Variants in DIP2A observed in about 807,000 individuals in gnomAD.
The protein encoded by DIP2A is DIP2 acetate--CoA ligase A.
DIP2A carries 85 observed loss-of-function variants against 177.4 expected under a neutral mutation model. That is an observed-to-expected ratio of 0.48 (90% CI 0.40 to 0.57). The LOEUF (loss-of-function observed/expected upper bound fraction) is 0.57, where lower values mean the gene tolerates loss of function less well. DIP2A is among the 20% of genes least tolerant of loss of function. The pLI is 0.00. For synonymous variants in DIP2A, 886 were observed against 881.8 expected (o/e 1.00, Z -0.08); for missense variants, 1,791 against 2,100.2 (o/e 0.85, Z 2.88).
chr21:46,546,977 C>A lies in DIP2A; in HGVS notation c.2457C>A (p.His819Gln), dbSNP rs757076117. ...DGLMVTGVRR[H>Q]NADDVVATAL... The stretch of plus-strand genomic sequence containing the variant: ...TGATGGTCACTGGAGTTCGCAGACA[C>A]AATGCAGATGACGTTGTGGCCACCG... Residue 819 changes from histidine to glutamine, a missense_variant, in exon 21 of 38, where the codon CAC becomes CAA. Coordinates refer to ENST00000417564, the MANE Select transcript of DIP2A (RefSeq NM_015151.4). The A allele has an allele frequency of 6.8e-6, 11 of 1,613,980 alleles. No individual in the cohort carries two copies. In the South Asian group the frequency reaches 1.2e-4, roughly 18 times the overall value.
chr21:46,565,824 A>G lies in DIP2A; in HGVS notation c.4276A>G (p.Ile1426Val), dbSNP rs1270608429. 6.2e-7 allele frequency: 1 copy of G among 1,613,994 alleles called. No homozygotes were observed. The highest frequency in any genetic ancestry group is 8.5e-7 in the Non-Finnish European group (1 of 1,179,890). The change falls in exon 36 of 38, where the codon ATC (isoleucine) becomes GTC (valine). Residue 1426 changes from isoleucine (I) to valine (V), a missense_variant. Transcript: ENST00000417564. ...ARLSFGDTQT[I>V]WARTGYLGFL... is the part of the protein sequence containing the mutation. Reference sequence around the variant, plus strand: ...GCTGAGTTTTGGAGACACACAGACCATCTGGGCAAGGACCGGCTACCTTGG... The same window carrying G: ...GCTGAGTTTTGGAGACACACAGACCGTCTGGGCAAGGACCGGCTACCTTGG...
chr21:46,511,776 G>A (rs1425927029), intron 8 of DIP2A, among the ~76,000 whole-genome samples, 162 bp downstream of exon 8: 4 of 152,098 alleles, frequency 2.6e-5, no homozygotes, highest in Non-Finnish European at 5.9e-5. Flanking sequence ...CCACCGGAGG[G>A]GACCACTCAC....
chr21:46,471,270 A>T (rs969559789), intron 1 of DIP2A, among the ~76,000 whole-genome samples: 3 of 152,176 alleles, frequency 2.0e-5, no homozygotes, highest in Admixed American at 2.0e-4. Flanking sequence ...GTTTCAAGCG[A>T]TCTTCCTGCC....
chr21:46,565,960 C>G (rs1403981434), intron 36 of DIP2A, 73 bp downstream of exon 36: 1 of 1,536,036 alleles, frequency 6.5e-7, no homozygotes, highest in East Asian at 2.3e-5. Flanking sequence ...GCTTAGTCAC[C>G]TGCTAGCACA....
At chr21:46,534,740 T>C (rs2148775107) in intron 13 of DIP2A, 53 bp downstream of exon 13, 1 of 1,466,078 alleles carries the variant, frequency 6.8e-7, no homozygotes, top group Non-Finnish European at 9.3e-7. Flanking sequence ...CACAGATACC[T>C]GACGTACCTA....
At chr21:46,546,470 A>G (rs2060044393) in intron 20 of DIP2A, among the ~76,000 whole-genome samples, 2 of 152,234 alleles carry the variant, frequency 1.3e-5, no homozygotes, top group South Asian at 4.2e-4. Context: ...TCAGTGTCCA[A>G]CCTAAGCACA....
chr21:46,466,121 G>T (rs2054805348), intron 1 of DIP2A, among the ~76,000 whole-genome samples: 1 of 152,078 alleles, frequency 6.6e-6, no homozygotes, highest in Non-Finnish European at 1.5e-5. Flanking sequence ...GATGAGATTG[G>T]TGACAATATA....
intron 1 of DIP2A, among the ~76,000 whole-genome samples, chr21:46,467,068 G>A (rs896965698): frequency 4.0e-5 from 6 of 151,798 alleles, no homozygotes; most frequent in Non-Finnish European, 1.5e-5. Context: ...AAGTCGAGGC[G>A]GGCGGATCAC....
chr21:46,520,725 T>C (rs2058787724), intron 8 of DIP2A, among the ~76,000 whole-genome samples: 1 of 152,382 alleles, frequency 6.6e-6, no homozygotes, highest in African/African-American at 2.4e-5. Context: ...ATTATATTAA[T>C]AACATGTACT....
At chr21:46,527,045 T>C (rs900948408) in intron 8 of DIP2A, among the ~76,000 whole-genome samples, 3 of 150,330 alleles carry the variant, frequency 2.0e-5, no homozygotes, top group African/African-American at 7.6e-5. Context: ...ATTTCAAAAA[T>C]CATTTAAAAT....
At chr21:46,580,091 T>G in the DIP2A span, among the ~76,000 whole-genome samples, 1 of 152,214 alleles carries the variant, frequency 6.6e-6, no homozygotes, top group Non-Finnish European at 1.5e-5. Flanking sequence ...TCTAAGTCTC[T>G]TTGTAGGTCT....
chr21:46,559,445 C>A (rs141699922), intron 32 of DIP2A, among the ~76,000 whole-genome samples: 1 of 152,174 alleles, frequency 6.6e-6, no homozygotes, highest in Non-Finnish European at 1.5e-5. Context: ...CAGGGCAGGG[C>A]GGGGGCTCTG....
At position 46,495,248 on chromosome 21, in the gene DIP2A, C is replaced by CTTCTT. The variant is rs1470078371; in HGVS notation, c.284-1739_284-1738insTCTTT. ...TCTTCTCTTCTCTTCTCTTCTTTCT[C>CTTCTT]TCTCTCTCTCTCTCTCTCTCTCTCT... On this transcript the variant is annotated intron_variant, in intron 3 of 37. Coordinates refer to ENST00000417564, the MANE Select transcript of DIP2A (RefSeq NM_015151.4). Among the ~76,000 whole-genome samples the CTTCTT allele has an allele frequency of 6.2e-3, 477 of 77,056 alleles. 1 individual carries two copies. Among genetic ancestry groups the CTTCTT allele is most frequent in the Non-Finnish European group, 7.8e-3 (337 of 43,050 alleles). The allele number at this position is 77,056 out of a possible 152,430, so 50.6% of individuals were successfully genotyped here. A position where few individuals can be genotyped will look rare whatever the true frequency, so the allele number is the denominator to read the frequency against.
intron 12 of DIP2A, 86 bp downstream of exon 12, chr21:46,534,199 C>A: frequency 1.2e-5 from 13 of 1,130,268 alleles, no homozygotes; most frequent in East Asian, 5.1e-5. Flanking sequence ...AGTTGCTATT[C>A]TTTTTTGTTA....
intron 1 of DIP2A, among the ~76,000 whole-genome samples, chr21:46,479,059 T>C (rs2056145204): frequency 6.6e-6 from 1 of 152,174 alleles, no homozygotes; most frequent in African/African-American, 2.4e-5. Context: ...TCCTTATGAG[T>C]GCTGCTCTAT....
chr21:46,462,105 G>A (rs369323231), intron 1 of DIP2A, among the ~76,000 whole-genome samples: 25 of 152,304 alleles, frequency 1.6e-4, no homozygotes, highest in East Asian at 1.3e-3. Context: ...GGCAGCCAAG[G>A]AGGTGGAAGC....
rs1414361169 is a variant in DIP2A, at chr21:46,523,106, G to A, written c.1103-5986G>A. On this transcript the variant is annotated intron_variant, in intron 8 of 37. Coordinates refer to ENST00000417564, the MANE Select transcript of DIP2A (RefSeq NM_015151.4). ...ATGCCCAGCTAATTTTGTATTTTTA[G>A]TAGAGATGGGGTTTCTCCATGTTGA... 4.6e-5 allele frequency among the ~76,000 whole-genome samples: 7 copies of A among 151,548 alleles called. No individual in the cohort carries two copies. The South Asian group carries it at 8.3e-4, about 18-fold the overall frequency.
At chr21:46,476,966 G>C (rs959986974) in intron 1 of DIP2A, among the ~76,000 whole-genome samples, 3 of 151,972 alleles carry the variant, frequency 2.0e-5, no homozygotes, top group Non-Finnish European at 1.5e-5. Flanking sequence ...TCGTAGCATC[G>C]CTCTTAATCT....
At chr21:46,501,055 G>C (rs553985739) in intron 5 of DIP2A, among the ~76,000 whole-genome samples, 17 of 152,060 alleles carry the variant, frequency 1.1e-4, no homozygotes, top group Non-Finnish European at 1.5e-4. Context: ...CCTAAATGTT[G>C]GACATAGTTA....
Sources: allele counts gnomAD v4.1 joint callset (sites outside exome capture counted in the v4.1 genomes callset), GRCh38; gene constraint gnomAD v4.1.1; transcripts MANE v1.5; gene names NCBI Gene and HGNC (gene_info 2026-07-23, HGNC 2026-07-21).